Variants in SDK1 observed in about 807,000 individuals in gnomAD.
SDK1 encodes sidekick cell adhesion molecule 1.
In SDK1, 157 loss-of-function variants were observed where a neutral mutation model predicts 245.5. The ratio of observed to expected loss-of-function variants is 0.64; its 90% CI spans 0.56 to 0.73. The LOEUF is 0.73. Ranked by LOEUF, SDK1 falls within the 30% of genes least tolerant of loss-of-function variation. The pLI, the probability that SDK1 is intolerant of heterozygous loss-of-function variation, is 0.00. For missense variants in SDK1, 3,583 were observed against 3,002.3 expected, an observed-to-expected ratio of 1.19 and a Z score of -4.52; for synonymous variants, 1,647 against 1,278.5, an observed-to-expected ratio of 1.29 and a Z score of -6.15.
At chr7:3,798,856 T>C (rs1779034038) in intron 4 of SDK1, among the ~76,000 whole-genome samples, 1 of 152,228 alleles carries the variant, frequency 6.6e-6, no homozygotes, top group Non-Finnish European at 1.5e-5. Context: ...TTTGCGTAGA[T>C]ACTTGGAGGT....
intron 1 of SDK1, among the ~76,000 whole-genome samples, chr7:3,604,602 C>CTT (rs201453008): frequency 5.8e-4 from 64 of 110,486 alleles, no homozygotes; most frequent in African/African-American, 1.8e-3. Flanking sequence ...CTTTTCTTTT[C>CTT]TTTTTTTTTT....
At chr7:3,897,775 G>C (rs1781651808) in intron 5 of SDK1, among the ~76,000 whole-genome samples, 1 of 152,034 alleles carries the variant, frequency 6.6e-6, no homozygotes, top group Non-Finnish European at 1.5e-5. Flanking sequence ...GTTATAATGG[G>C]AAGAAGATGA....
intron 4 of SDK1, among the ~76,000 whole-genome samples, chr7:3,711,574 T>C (rs763634716): frequency 2.6e-5 from 4 of 152,184 alleles, no homozygotes; most frequent in Non-Finnish European, 1.5e-5. Flanking sequence ...GAGCCAGAGA[T>C]GCTGCTGGTA....
At chr7:3,484,311 A>G (rs1000735569) in intron 1 of SDK1, among the ~76,000 whole-genome samples, 2 of 152,166 alleles carry the variant, frequency 1.3e-5, no homozygotes, top group African/African-American at 4.8e-5. Context: ...AACCAAACAT[A>G]GATCGAAAAT....
rs140216610 is a variant in SDK1 at position 3,454,586 on chromosome 7, G to A, written c.298+152702G>A. On this transcript the variant is annotated intron_variant, in intron 1 of 44. Coordinates refer to ENST00000404826, the MANE Select transcript of SDK1 (RefSeq NM_152744.4). ...AGCTGCAATAACACATTTGTTTTCC[G>A]TTTCTATAATACGGTATGTAACCTT... 3.2e-3 allele frequency among the ~76,000 whole-genome samples: 492 copies of A among 152,164 alleles called. 3 individuals carry two copies. The highest frequency in any genetic ancestry group is 0.011 in the African/African-American group (441 of 41,522).
At chr7:4,139,539 A>ATATGTGTGTGTATATGTGTG (rs1779364354) in intron 28 of SDK1, among the ~76,000 whole-genome samples, 3 of 50,874 alleles carry the variant, frequency 5.9e-5, no homozygotes, top group Admixed American at 2.3e-4. Context: ...GTGTGTGTAT[A>ATATGTGTGTGTATATGTGTG]TATGTGTGTG....
intron 1 of SDK1, among the ~76,000 whole-genome samples, chr7:3,407,106 A>T (rs971050650): frequency 2.0e-5 from 3 of 152,144 alleles, no homozygotes; most frequent in African/African-American, 7.2e-5. Flanking sequence ...CAAACAAATA[A>T]CAGAGACAAG....
intron 43 of SDK1, among the ~76,000 whole-genome samples, chr7:4,242,253 T>C (rs1441914364): frequency 6.6e-6 from 1 of 152,054 alleles, no homozygotes. Flanking sequence ...TTCATGGAGG[T>C]GTCACCTGGG....
At chr7:3,762,661 G>A (rs780895789) in intron 4 of SDK1, among the ~76,000 whole-genome samples, 15 of 152,168 alleles carry the variant, frequency 9.9e-5, no homozygotes, top group Middle Eastern at 3.2e-3. Context: ...ATTTGTAGCT[G>A]TGGCATGCAA....
At chr7:3,364,324 C>T (rs562034127) in intron 1 of SDK1, among the ~76,000 whole-genome samples, 5 of 152,092 alleles carry the variant, frequency 3.3e-5, no homozygotes, top group Non-Finnish European at 7.4e-5. Context: ...TTTTATGGGT[C>T]ATGCTTTTGC....
intron 40 of SDK1, among the ~76,000 whole-genome samples, chr7:4,230,648 G>T (rs540551349): frequency 6.6e-6 from 1 of 151,906 alleles, no homozygotes; most frequent in South Asian, 2.1e-4. Context: ...AAGGATGGAT[G>T]GATAGATGAT....
intron 4 of SDK1, among the ~76,000 whole-genome samples, chr7:3,644,170 G>T (rs1023992700): frequency 1.3e-4 from 19 of 150,610 alleles, no homozygotes; most frequent in Middle Eastern, 3.4e-3. Context: ...CCAAAGTGCT[G>T]GGATTACAGG....
At chr7:3,987,343 G>T (rs754291836) in intron 14 of SDK1, 21 bp downstream of exon 14, 5 of 1,612,010 alleles carry the variant, frequency 3.1e-6, no homozygotes, top group Non-Finnish European at 4.2e-6. Context: ...AAATGAAACT[G>T]TCACCATGGA....
chr7:3,482,371 G>C (rs1781546702), intron 1 of SDK1, among the ~76,000 whole-genome samples: 1 of 152,160 alleles, frequency 6.6e-6, no homozygotes, highest in African/African-American at 2.4e-5. Context: ...TCAAGGGCCG[G>C]GAGTGTCTGC....
chr7:3,380,940 C>G (rs1781472611), intron 1 of SDK1, among the ~76,000 whole-genome samples: 1 of 152,132 alleles, frequency 6.6e-6, no homozygotes, highest in Admixed American at 6.5e-5. Context: ...AGAAATCAAG[C>G]TTTTGTGGTT....
chr7:3,368,938 CTG>C (rs759401291), intron 1 of SDK1, among the ~76,000 whole-genome samples: 1 of 152,188 alleles, frequency 6.6e-6, no homozygotes, highest in African/African-American at 2.4e-5. Context: ...TTCTGTGAAA[CTG>C]TGTAGTCTCA....
intron 5 of SDK1, among the ~76,000 whole-genome samples, chr7:3,867,562 C>A (rs1780851290): frequency 6.6e-6 from 1 of 152,110 alleles, no homozygotes; most frequent in South Asian, 2.1e-4. Flanking sequence ...AGAGAGAGAG[C>A]TTGTGCAGGG....
chr7:3,824,520 G>A (rs1213110503), intron 5 of SDK1, among the ~76,000 whole-genome samples: 1 of 152,164 alleles, frequency 6.6e-6, no homozygotes, highest in African/African-American at 2.4e-5. Flanking sequence ...CCCGCCTCTT[G>A]TTTGCTGTTG....
intron 1 of SDK1, among the ~76,000 whole-genome samples, chr7:3,353,668 A>G (rs892204564): frequency 1.3e-5 from 2 of 152,190 alleles, no homozygotes; most frequent in African/African-American, 4.8e-5. Flanking sequence ...ATTACAAGGG[A>G]TGATATTTCC....
Sources: gnomAD v4.1 joint callset for allele counts (sites outside exome capture counted in the v4.1 genomes callset) on GRCh38, gnomAD v4.1.1 for gene constraint, MANE v1.5 for transcripts, NCBI Gene and HGNC (gene_info 2026-07-23, HGNC 2026-07-21) for gene names.